SPIDR: variants seen among roughly 807,000 people sequenced by gnomAD.
The protein encoded by SPIDR is DNA repair-scaffolding protein.
Under a neutral mutation model 104.6 loss-of-function variants are expected in SPIDR, and 93 were observed. The observed-to-expected ratio is 0.89, with a 90% CI of 0.75 to 1.06. SPIDR has a LOEUF of 1.06. SPIDR is among the 50% of genes least tolerant of loss of function. The pLI is 0.00. For missense variants in SPIDR, 1,154 were observed against 1,111.2 expected (o/e 1.04, Z -0.55); for synonymous variants, 431 against 416.9 (o/e 1.03, Z -0.41).
At chr8:47,594,819 CCTT>C (rs2061469480) in intron 8 of SPIDR, among the ~76,000 whole-genome samples, 1 of 152,004 alleles carries the variant, frequency 6.6e-6, no homozygotes, top group South Asian at 2.1e-4. Context: ...CATGGCAAAA[CCTT>C]CTCTCTACTA....
At chr8:47,709,611 T>C (rs2081566471) in intron 14 of SPIDR, among the ~76,000 whole-genome samples, 1 of 152,214 alleles carries the variant, frequency 6.6e-6, no homozygotes, top group African/African-American at 2.4e-5. Context: ...CTTTTAGCAA[T>C]GTAGTGGTAG....
chr8:47,632,606 CA>C (rs1362695164), intron 10 of SPIDR, among the ~76,000 whole-genome samples: 1 of 152,120 alleles, frequency 6.6e-6, no homozygotes, highest in East Asian at 1.9e-4. Context: ...AGAATGTCGG[CA>C]AACTCTAATG....
chr8:47,609,798 C>T (rs753800832), intron 10 of SPIDR, among the ~76,000 whole-genome samples: 1 of 152,114 alleles, frequency 6.6e-6, no homozygotes, highest in African/African-American at 2.4e-5. Context: ...TAGCTATACA[C>T]ATTGAATAAC....
At chr8:47,604,154 T>C (rs1457767139) in intron 10 of SPIDR, among the ~76,000 whole-genome samples, 4 of 152,196 alleles carry the variant, frequency 2.6e-5, no homozygotes, top group Non-Finnish European at 5.9e-5. Flanking sequence ...TAGGGCACAA[T>C]GGAGAATGGA....
intron 3 of SPIDR, among the ~76,000 whole-genome samples, chr8:47,285,624 C>T (rs1554562618): frequency 2.6e-5 from 4 of 152,222 alleles, no homozygotes; most frequent in Non-Finnish European, 5.9e-5. Flanking sequence ...TCCTCTCTCT[C>T]TTCCCCAGGT....
chr8:47,298,541 T>G (rs1321574538), intron 5 of SPIDR, among the ~76,000 whole-genome samples: 12 of 152,226 alleles, frequency 7.9e-5, no homozygotes, highest in Admixed American at 3.9e-4. Flanking sequence ...GCCTGTGTCC[T>G]GAATGGTATT....
chr8:47,327,414 C>T (rs1444542231), intron 5 of SPIDR, among the ~76,000 whole-genome samples: 8 of 133,066 alleles, frequency 6.0e-5, no homozygotes, highest in African/African-American at 2.3e-4. Flanking sequence ...TTTTTTGAGA[C>T]AGGGTTTTAA....
chr8:47,313,549 T>C (rs1225822945), intron 5 of SPIDR, among the ~76,000 whole-genome samples: 1 of 152,122 alleles, frequency 6.6e-6, no homozygotes, highest in Non-Finnish European at 1.5e-5. Context: ...CTTCACAGAA[T>C]TGGAAAAAAC....
At position 47,279,930 on chromosome 8, in the gene SPIDR, A is replaced by G; in HGVS notation, c.102A>G (p.Ala34=). The G allele has an allele frequency of 6.2e-7, 1 of 1,614,162 alleles. No homozygotes were observed. Among genetic ancestry groups the G allele is most frequent in the Non-Finnish European group, 8.5e-7 (1 of 1,180,002 alleles). The change falls in exon 2 of 20, where the codon GCA becomes GCG. Residue 34 remains alanine (A), a synonymous_variant. Coordinates refer to ENST00000297423, the MANE Select transcript of SPIDR (RefSeq NM_001080394.4). ...PGERPLQVRR[A]GLRTAGAAAS... ...AAAGACCACTGCAGGTCAGAAGAGC[A>G]GGTCTCAGGACAGCAGGGGCAGCTG...
intron 5 of SPIDR, among the ~76,000 whole-genome samples, chr8:47,340,788 A>G (rs1373969828): frequency 1.3e-5 from 2 of 152,192 alleles, no homozygotes; most frequent in African/African-American, 4.8e-5. Flanking sequence ...GCATAATGAA[A>G]CTTAAAATTC....
At chr8:47,289,539 A>G (rs2039515673) in intron 3 of SPIDR, among the ~76,000 whole-genome samples, 1 of 152,118 alleles carries the variant, frequency 6.6e-6, no homozygotes, top group East Asian at 1.9e-4. Flanking sequence ...TGATTCTGCC[A>G]AGATGAAATA....
At chr8:47,517,810 A>T (rs1564204700) in intron 8 of SPIDR, among the ~76,000 whole-genome samples, 1 of 152,172 alleles carries the variant, frequency 6.6e-6, no homozygotes, top group African/African-American at 2.4e-5. Flanking sequence ...ATTTATTTTG[A>T]TGTATCATTT....
chr8:47,348,316 C>T (rs1421952308), intron 5 of SPIDR, among the ~76,000 whole-genome samples: 2 of 152,154 alleles, frequency 1.3e-5, no homozygotes, highest in African/African-American at 4.8e-5. Flanking sequence ...CCGAGATATC[C>T]TCTGTTAGTC....
At chr8:47,454,181 C>T (rs1020698662) in intron 8 of SPIDR, among the ~76,000 whole-genome samples, 1 of 152,050 alleles carries the variant, frequency 6.6e-6, no homozygotes, top group African/African-American at 2.4e-5. Flanking sequence ...TGCGCATGTA[C>T]GTTTACTGTG....
At chr8:47,417,849 C>T (rs1359699773) in intron 7 of SPIDR, among the ~76,000 whole-genome samples, 4 of 152,064 alleles carry the variant, frequency 2.6e-5, no homozygotes, top group Admixed American at 1.3e-4. Context: ...TATGGCTAGC[C>T]AGTTTTCCCA....
chr8:47,580,444 A>T (rs909487210), intron 8 of SPIDR, among the ~76,000 whole-genome samples: 3 of 152,212 alleles, frequency 2.0e-5, no homozygotes, highest in African/African-American at 7.2e-5. Context: ...TGTAGTGCTT[A>T]CATCTACTCT....
At chr8:47,331,370 C>T (rs1232917612) in intron 5 of SPIDR, among the ~76,000 whole-genome samples, 2 of 152,210 alleles carry the variant, frequency 1.3e-5, no homozygotes, top group African/African-American at 4.8e-5. Context: ...GTCTACTACA[C>T]ACCTACACTA....
chr8:47,352,233 C>T (rs1316178255), intron 5 of SPIDR, among the ~76,000 whole-genome samples: 5 of 149,898 alleles, frequency 3.3e-5, no homozygotes, highest in Admixed American at 6.7e-5. Flanking sequence ...GCCAAGATCG[C>T]GCTACTACAC....
intron 8 of SPIDR, among the ~76,000 whole-genome samples, chr8:47,543,689 G>A (rs987093353): frequency 6.6e-6 from 1 of 152,178 alleles, no homozygotes; most frequent in African/African-American, 2.4e-5. Flanking sequence ...GATGGCATTA[G>A]CATGATCCAG....
Sources: allele counts gnomAD v4.1 joint callset (sites outside exome capture counted in the v4.1 genomes callset), GRCh38; gene constraint gnomAD v4.1.1; transcripts MANE v1.5; gene names NCBI Gene and HGNC (gene_info 2026-07-23, HGNC 2026-07-21).